The following LRMDA variants were observed in gnomAD, a reference collection of about 807,000 sequenced individuals.
LRMDA encodes leucine-rich melanocyte differentiation-associated protein.
A neutral mutation model predicts 29.8 loss-of-function variants in LRMDA; 18 were observed. The observed-to-expected ratio is 0.60, with a 90% CI of 0.42 to 0.90. LRMDA has a LOEUF of 0.90. Ranked by LOEUF, LRMDA falls within the 40% of genes least tolerant of loss-of-function variation. The pLI is 0.00. For synonymous variants in LRMDA, 125 were observed against 109.4 expected (o/e 1.14, Z -0.89); for missense variants, 273 against 273.9 (o/e 1.00, Z 0.02).
In LRMDA at chr10:75,647,043, G is replaced by A. The variant is rs1174832616; in HGVS notation, c.131+208549G>A. Among the ~76,000 whole-genome samples the A allele has an allele frequency of 4.0e-5, 6 of 148,162 alleles. No homozygotes were observed. The East Asian group carries it at 1.0e-3, about 25-fold the overall frequency. On this transcript the variant is annotated intron_variant, in intron 2 of 6. Transcript: ENST00000611255. The stretch of plus-strand genomic sequence containing the variant: ...CACAGCTCAGAGAGCAAACTTGGCC[G>A]GCAGTCCCATGCAGATTAGGGAGAT...
intron 2 of LRMDA, among the ~76,000 whole-genome samples, chr10:75,980,674 T>G (rs1206394063): frequency 3.3e-5 from 5 of 152,346 alleles, no homozygotes; most frequent in South Asian, 4.1e-4. Context: ...GCTCAATGTG[T>G]TACTCTCATG....
chr10:75,830,930 T>A (rs1844330274), intron 2 of LRMDA, among the ~76,000 whole-genome samples: 1 of 152,126 alleles, frequency 6.6e-6, no homozygotes, highest in African/African-American at 2.4e-5. Flanking sequence ...AGTTACTTCC[T>A]AGACAAAACA....
intron 2 of LRMDA, among the ~76,000 whole-genome samples, chr10:75,856,973 C>A (rs1435838696): frequency 2.0e-5 from 3 of 152,188 alleles, no homozygotes; most frequent in Admixed American, 6.5e-5. Context: ...TGATAGGCAA[C>A]TTCAGCAAAG....
intron 2 of LRMDA, among the ~76,000 whole-genome samples, chr10:75,499,470 T>C (rs1845087176): frequency 6.6e-6 from 1 of 152,204 alleles, no homozygotes; most frequent in Non-Finnish European, 1.5e-5. Context: ...GGGCCTTGAC[T>C]GTCTTTTCTG....
intron 6 of LRMDA, among the ~76,000 whole-genome samples, chr10:76,336,750 C>T (rs772496399): frequency 6.6e-6 from 1 of 152,154 alleles, no homozygotes; most frequent in Non-Finnish European, 1.5e-5. Context: ...CAGTCTTCTC[C>T]CTTGTGGATT....
chr10:76,513,415 T>C (rs1291400173), intron 6 of LRMDA, among the ~76,000 whole-genome samples: 1 of 152,184 alleles, frequency 6.6e-6, no homozygotes, highest in Non-Finnish European at 1.5e-5. Flanking sequence ...TTTATTTACT[T>C]GCTTTTAAAT....
At chr10:75,560,002 G>A (rs1390860681) in intron 2 of LRMDA, among the ~76,000 whole-genome samples, 1 of 150,418 alleles carries the variant, frequency 6.6e-6, no homozygotes, top group Non-Finnish European at 1.5e-5. Context: ...CTTAGGATTG[G>A]CTTGGCGATG....
In LRMDA at chr10:76,542,102, C is replaced by T. The variant is rs117291879; in HGVS notation, c.602-15107C>T. 1.3e-4 allele frequency among the ~76,000 whole-genome samples: 20 copies of T among 151,662 alleles called. No individual in the cohort carries two copies. In the East Asian group the frequency reaches 3.9e-3, roughly 29 times the overall value. On this transcript the variant is annotated intron_variant, in intron 6 of 6. Transcript: ENST00000611255. Reference sequence around the variant, plus strand: ...GTGTAGGCAGGCATGAGTGAGGCCTCCCCTTGGGGGAAGTCACAGCCATCT... The same window carrying T: ...GTGTAGGCAGGCATGAGTGAGGCCTTCCCTTGGGGGAAGTCACAGCCATCT...
At chr10:76,344,302 T>C (rs575707574) in intron 6 of LRMDA, among the ~76,000 whole-genome samples, 38 of 152,176 alleles carry the variant, frequency 2.5e-4, no homozygotes, top group South Asian at 6.2e-4. Flanking sequence ...AGATAATAAA[T>C]TGGGAATATT....
At chr10:76,305,448 T>C in intron 5 of LRMDA, among the ~76,000 whole-genome samples, 1 of 152,182 alleles carries the variant, frequency 6.6e-6, no homozygotes, top group East Asian at 1.9e-4. Context: ...GTCAGGACAT[T>C]GGACTGTCCT....
At position 76,146,148 on chromosome 10, in the gene LRMDA, T is replaced by C. The variant is rs553610466; in HGVS notation, c.516+87365T>C. Among the ~76,000 whole-genome samples, 29 of 152,316 alleles carry C rather than the reference T, an allele frequency of 1.9e-4. No individual in the cohort carries two copies. In the South Asian group the frequency reaches 3.1e-3, roughly 16 times the overall value. ...TTTTGGAGTAGGTGTGGTGTGGTGC[T>C]GAAAAGAATGTATATTCCGTTGATT... is the stretch of plus-strand genomic sequence containing the variant. On this transcript the variant is annotated intron_variant, in intron 5 of 6. Coordinates refer to ENST00000611255, the MANE Select transcript of LRMDA (RefSeq NM_001305581.2).
chr10:75,902,710 C>T (rs1845696168), intron 2 of LRMDA, among the ~76,000 whole-genome samples: 1 of 152,090 alleles, frequency 6.6e-6, no homozygotes, highest in Non-Finnish European at 1.5e-5. Flanking sequence ...GTTCAAAGTT[C>T]TTTGCCTTCC....
intron 2 of LRMDA, among the ~76,000 whole-genome samples, chr10:75,744,898 TC>T (rs750992008): frequency 3.9e-5 from 6 of 152,162 alleles, no homozygotes; most frequent in Non-Finnish European, 5.9e-5. Flanking sequence ...CTAAACTATC[TC>T]CCTGCCTGAA....
chr10:76,284,868 A>G (rs1387411439), intron 5 of LRMDA, among the ~76,000 whole-genome samples: 1 of 152,170 alleles, frequency 6.6e-6, no homozygotes, highest in Admixed American at 6.5e-5. Flanking sequence ...GCCTGCCACC[A>G]TGTAAGACAT....
At chr10:75,693,879 A>G (rs1842201025) in intron 2 of LRMDA, among the ~76,000 whole-genome samples, 1 of 152,130 alleles carries the variant, frequency 6.6e-6, no homozygotes, top group Non-Finnish European at 1.5e-5. Context: ...ATGAAAGGAG[A>G]CCTCTAATAA....
intron 2 of LRMDA, among the ~76,000 whole-genome samples, chr10:75,638,968 A>G (rs980237588): frequency 9.2e-5 from 14 of 152,150 alleles, no homozygotes; most frequent in African/African-American, 3.4e-4. Flanking sequence ...AAAAGTGAAG[A>G]TTTTTCCAAA....
At chr10:75,940,809 G>A (rs1846378655) in intron 2 of LRMDA, among the ~76,000 whole-genome samples, 2 of 152,052 alleles carry the variant, frequency 1.3e-5, no homozygotes, top group Non-Finnish European at 2.9e-5. Flanking sequence ...TGTGTTGAGG[G>A]GGTGTTTGAA....
chr10:76,151,889 C>G (rs72815556), intron 5 of LRMDA, among the ~76,000 whole-genome samples: 10,943 of 152,114 alleles, frequency 0.072, 548 homozygotes, highest in Non-Finnish European at 0.099. Flanking sequence ...TATCTTATTA[C>G]ACTATATAGG....
rs61860535 is a variant in LRMDA, at chr10:75,679,219, A to C, written c.131+240725A>C. Among the ~76,000 whole-genome samples the C allele has an allele frequency of 9.4e-3, 1,424 of 152,250 alleles. 10 individuals are homozygous for C. The highest frequency in any genetic ancestry group is 0.016 in the Non-Finnish European group (1,101 of 68,008). On this transcript the variant is annotated intron_variant, in intron 2 of 6. Transcript: ENST00000611255. Reference sequence around the variant, plus strand: ...CCACTATTGTGGCTTTAAGTCCTAAACCTTGTTTTTCTTTTCTAAAACAAC... The same window carrying C: ...CCACTATTGTGGCTTTAAGTCCTAACCCTTGTTTTTCTTTTCTAAAACAAC...
Sources: allele counts gnomAD v4.1 joint callset (sites outside exome capture counted in the v4.1 genomes callset), GRCh38; gene constraint gnomAD v4.1.1; transcripts MANE v1.5; gene names NCBI Gene and HGNC (gene_info 2026-07-23, HGNC 2026-07-21).